The following NLRP9 variants were observed in gnomAD, a reference collection of about 807,000 sequenced individuals.
NLRP9 encodes NACHT, LRR and PYD domains-containing protein 9.
A neutral mutation model predicts 83.1 loss-of-function variants in NLRP9; 88 were observed. That is an observed-to-expected ratio of 1.06 (90% CI 0.89 to 1.26). The LOEUF (loss-of-function observed/expected upper bound fraction) is 1.26, where lower values mean the gene tolerates loss of function less well. Among genes scored for constraint, NLRP9 ranks in the 50% most tolerant of loss-of-function variants. The pLI is 0.00. For synonymous variants in NLRP9, 521 were observed against 447.6 expected (o/e 1.16, Z -2.07); for missense variants, 1,308 against 1,179.3 (o/e 1.11, Z -1.60).
chr19:55,710,914 C>T (rs757452621), intron 8 of NLRP9, among the ~76,000 whole-genome samples: 6 of 151,950 alleles, frequency 3.9e-5, no homozygotes, highest in East Asian at 1.9e-4. Flanking sequence ...GGTGAAACCC[C>T]GTCTCTACTA....
intron 3 of NLRP9, among the ~76,000 whole-genome samples, chr19:55,729,343 G>A (rs374088308): frequency 1.3e-5 from 2 of 150,634 alleles, no homozygotes; most frequent in South Asian, 2.1e-4. Context: ...CCATTAACTC[G>A]TCATTTACAT....
intron 4 of NLRP9, among the ~76,000 whole-genome samples, chr19:55,718,682 G>A (rs10451425): frequency 0.014 from 2,115 of 152,226 alleles, 19 homozygotes; most frequent in Non-Finnish European, 0.019. Context: ...CATTCCCCTC[G>A]CCAAGATAGT....
chr19:55,723,652 C>G (rs569232494), intron 4 of NLRP9, among the ~76,000 whole-genome samples: 1 of 147,478 alleles, frequency 6.8e-6, no homozygotes, highest in African/African-American at 2.6e-5. Context: ...TGCTTGAACC[C>G]GGGAAGCTGA....
chr19:55,713,263 T>TTCCTTACAGTACTTATTAC (rs1459734961), intron 6 of NLRP9, among the ~76,000 whole-genome samples: 2 of 151,620 alleles, frequency 1.3e-5, no homozygotes, highest in African/African-American at 2.4e-5. Context: ...AAGCTGGTGA[T>TTCCTTACAGTACTTATTAC]TCCTTACAGT....
At position 55,738,243 on chromosome 19, in the gene NLRP9, C is replaced by G. The variant is rs370177421; in HGVS notation, c.132G>C (p.Trp44Cys). The G allele has an allele frequency of 1.2e-6, 2 of 1,614,128 alleles. No homozygotes were observed. The highest frequency in any genetic ancestry group is 3.3e-5 in the Admixed American group (2 of 60,002). The change falls in exon 1 of 9, where the codon TGG (tryptophan) becomes TGC (cysteine). Residue 44 changes from tryptophan (W) to cysteine (C), a missense_variant. Physicochemically the swap from Trp to Cys is radical, Grantham distance 215 (BLOSUM62 -2). Coordinates refer to ENST00000332836, the MANE Select transcript of NLRP9 (RefSeq NM_176820.4). ...CTTTGGAGGCCTTCTTCAGCTCAGC[C>G]CAGGGGATTGGCTTGAGTTCAAATT... Reference protein sequence around the residue: ...LEKFELKPIPWAELKKASKED... With the variant: ...LEKFELKPIPCAELKKASKED...
rs780264648 is a variant in NLRP9, at chr19:55,730,012, G to GT, written c.1833-21dup. Reference sequence around the variant, plus strand: ...TTGTAACTATGAGAGAACAAAGATTGTGATTCTCCAGTGGCTAAACTCAAT... The same window carrying GT: ...TTGTAACTATGAGAGAACAAAGATTGTTGATTCTCCAGTGGCTAAACTCAAT... On this transcript the variant is annotated intron_variant, in intron 2 of 8. Transcript: ENST00000332836. 3.7e-6 allele frequency: 6 copies of GT among 1,603,888 alleles called. 1 individual carries two copies. The South Asian group carries it at 6.6e-5, about 18-fold the overall frequency.
In NLRP9 at chr19:55,732,048, G is replaced by C; in HGVS notation, c.1783C>G (p.Arg595Gly). Reference sequence around the variant, plus strand: ...GGAAAGATATTCTCCACACACATGCGAAGTGTCGTTAAATGTTGACAATGC... The same window carrying C: ...GGAAAGATATTCTCCACACACATGCCAAGTGTCGTTAAATGTTGACAATGC... ...LKHCQHLTTL[R>G]MCVENIFPDD... Residue 595 changes from arginine to glycine, a missense_variant, in exon 2 of 9, where the codon CGC becomes GGC. By Grantham distance (125) the Arg-to-Gly change is moderately radical. Coordinates refer to ENST00000332836, the MANE Select transcript of NLRP9 (RefSeq NM_176820.4). 2 of 1,600,868 alleles carry C rather than the reference G, an allele frequency of 1.2e-6. 1 individual carries two copies. Among genetic ancestry groups the C allele is most frequent in the South Asian group, 2.3e-5 (2 of 88,064 alleles).
intron 1 of NLRP9, among the ~76,000 whole-genome samples, chr19:55,736,259 C>T (rs1046301399): frequency 9.2e-5 from 14 of 151,522 alleles, no homozygotes; most frequent in Admixed American, 2.0e-4. Flanking sequence ...GGCGTGGTGG[C>T]AGGCGCCTGT....
chr19:55,727,060 C>T (rs539229060), intron 3 of NLRP9, among the ~76,000 whole-genome samples: 30 of 152,002 alleles, frequency 2.0e-4, no homozygotes, highest in Non-Finnish European at 3.8e-4. Context: ...TGAGACCAGC[C>T]CGGCCAACAT....
At chr19:55,712,630 G>GAC in intron 6 of NLRP9, 40 bp from the exon 7 acceptor site, 1 of 1,552,630 alleles carries the variant, frequency 6.4e-7, no homozygotes, top group Non-Finnish European at 8.9e-7. Flanking sequence ...ACACTTATGA[G>GAC]GTCAATCATA....
chr19:55,716,925 C>T (rs372412466), intron 4 of NLRP9, 27 bp from the exon 5 acceptor site: 108 of 1,599,090 alleles, frequency 6.8e-5, no homozygotes, highest in South Asian at 3.9e-4. Context: ...CACCATGAGA[C>T]GGACCAAAGC....
chr19:55,737,734 TAAA>T (rs57736610), intron 1 of NLRP9: 21,649 of 79,590 alleles, frequency 0.27, 2,346 homozygotes, highest in South Asian at 0.38. Context: ...ACCCTTTCTC[TAAA>T]AAAAAAAAAA....
intron 1 of NLRP9, among the ~76,000 whole-genome samples, chr19:55,734,196 T>C (rs573872902): frequency 9.4e-4 from 143 of 151,756 alleles, no homozygotes; most frequent in African/African-American, 3.3e-3. Flanking sequence ...GTGCTGGGAT[T>C]ACAGGCGTGA....
intron 2 of NLRP9, among the ~76,000 whole-genome samples, chr19:55,731,052 G>A (rs937382710): frequency 2.0e-5 from 3 of 152,052 alleles, no homozygotes; most frequent in African/African-American, 7.2e-5. Context: ...TTTCCTCCTC[G>A]TTTAGATGTG....
intron 4 of NLRP9, among the ~76,000 whole-genome samples, chr19:55,723,518 C>A (rs116977737): frequency 9.9e-5 from 15 of 151,990 alleles, no homozygotes; most frequent in Admixed American, 2.6e-4. Context: ...GTTGAGACCA[C>A]GAGTGCAAGA....
In NLRP9 at chr19:55,738,099, C is replaced by T. The variant is rs200547541; in HGVS notation, c.276G>A (p.Met92Ile). Residue 92 changes from methionine to isoleucine, a missense_variant, in exon 1 of 9, where the codon ATG becomes ATA. Coordinates refer to ENST00000332836, the MANE Select transcript of NLRP9 (RefSeq NM_176820.4). ...KDLWTKAQEE[M>I]RNKLNPYRKH... ...GCCCCATCATCCAGCACTTACTTCTCATCTCTTCCTGAGCCTTTGTCCAGA... is the reference window on the plus strand; with the variant it reads ...GCCCCATCATCCAGCACTTACTTCTTATCTCTTCCTGAGCCTTTGTCCAGA... 1.2e-6 allele frequency: 2 copies of T among 1,614,082 alleles called. No homozygotes were observed. The highest frequency in any genetic ancestry group is 2.2e-5 in the East Asian group (1 of 44,878).
chr19:55,730,710 G>C (rs935660920), intron 2 of NLRP9, among the ~76,000 whole-genome samples: 6 of 152,118 alleles, frequency 3.9e-5, no homozygotes, highest in African/African-American at 1.4e-4. Context: ...TGAATGATGA[G>C]AACACATGGA....
chr19:55,732,838 A>C lies in NLRP9; in HGVS notation c.993T>G (p.Phe331Leu), dbSNP rs1388320515. The C allele has an allele frequency of 1.2e-6, 2 of 1,614,198 alleles. No homozygotes were observed. Among genetic ancestry groups the C allele is most frequent in the East Asian group, 2.2e-5 (1 of 44,882 alleles). The change falls in exon 2 of 9, where the codon TTT becomes TTG. Residue 331 changes from phenylalanine (F) to leucine (L), a missense_variant. Phe to Leu is a conservative substitution (Grantham distance 22, BLOSUM62 0). Coordinates refer to ENST00000332836, the MANE Select transcript of NLRP9 (RefSeq NM_176820.4). ...ACGTAAAGGGATTATGGCACAAGAT[A>C]AACAGCGGCCCATTATCTCTCACAA... ...FNFVRDNGPL[F>L]ILCHNPFTCW... is the part of the protein sequence containing the mutation.
chr19:55,712,407 A>C lies in NLRP9; in HGVS notation c.2672+13T>G, dbSNP rs1470139571. On this transcript the variant is annotated intron_variant, in intron 7 of 8. Transcript: ENST00000332836. Reference sequence around the variant, plus strand: ...GATAAATTTTCCTACGATGGTGATCAGTAGATACTCACCCGAGACACTCTA... The same window carrying C: ...GATAAATTTTCCTACGATGGTGATCCGTAGATACTCACCCGAGACACTCTA... 8.1e-6 allele frequency: 13 copies of C among 1,602,004 alleles called. No individual in the cohort carries two copies. The highest frequency in any genetic ancestry group is 1.1e-5 in the Non-Finnish European group (13 of 1,171,868).
Sources: gnomAD v4.1 joint callset for allele counts (sites outside exome capture counted in the v4.1 genomes callset) on GRCh38, gnomAD v4.1.1 for gene constraint, MANE v1.5 for transcripts, NCBI Gene and HGNC (gene_info 2026-07-23, HGNC 2026-07-21) for gene names.